ZYG11B: variants seen among roughly 807,000 people sequenced by gnomAD.
ZYG11B encodes the protein protein zyg-11 homolog B.
ZYG11B carries 36 observed loss-of-function variants against 82.4 expected under a neutral mutation model. The ratio of observed to expected loss-of-function variants is 0.44; its 90% confidence interval spans 0.33 to 0.58. The LOEUF (loss-of-function observed/expected upper bound fraction) is 0.58. Among genes scored for constraint, ZYG11B ranks in the 20% least tolerant of loss-of-function variants. The probability of loss-of-function intolerance (pLI) is 0.02; values close to 1 mark genes in which losing one functional copy is unlikely to be tolerated. For missense variants in ZYG11B, 552 were observed against 895.6 expected (o/e 0.62, Z 4.90); for synonymous variants, 303 against 312.8 (o/e 0.97, Z 0.33).
chr1:52,800,275 CAAA>C (rs71579948), intron 8 of ZYG11B, among the ~76,000 whole-genome samples: 1 of 120,060 alleles, frequency 8.3e-6, no homozygotes. Context: ...GATTCCATGT[CAAA>C]AAAAAAAAAA....
At chr1:52,734,519 G>A (rs919849568) in intron 1 of ZYG11B, among the ~76,000 whole-genome samples, 1 of 150,996 alleles carries the variant, frequency 6.6e-6, no homozygotes, top group Non-Finnish European at 1.5e-5. Flanking sequence ...GTGTGGTAGC[G>A]CATGCCTGTG....
chr1:52,793,656 T>C (rs187173998), intron 6 of ZYG11B, among the ~76,000 whole-genome samples: 1 of 152,304 alleles, frequency 6.6e-6, no homozygotes, highest in East Asian at 1.9e-4. Flanking sequence ...CAGAACTGAC[T>C]TGAGAATCTC....
chr1:52,783,805 T>TATATACACACAC (rs74185908), intron 4 of ZYG11B, among the ~76,000 whole-genome samples: 110 of 135,012 alleles, frequency 8.1e-4, no homozygotes, highest in Middle Eastern at 4.1e-3. Flanking sequence ...TATATATATA[T>TATATACACACAC]ACACACACAC....
intron 1 of ZYG11B, among the ~76,000 whole-genome samples, chr1:52,744,988 A>G (rs1008628804): frequency 3.9e-5 from 6 of 152,202 alleles, no homozygotes; most frequent in African/African-American, 1.4e-4. Context: ...TGTTTACTGT[A>G]AGGCATTGCT....
chr1:52,734,793 A>G (rs1644364570), intron 1 of ZYG11B, among the ~76,000 whole-genome samples: 1 of 151,820 alleles, frequency 6.6e-6, no homozygotes, highest in African/African-American at 2.4e-5. Context: ...CAATGGTGCA[A>G]TCTGGGCTCA....
At chr1:52,775,847 G>C (rs1194480423) in intron 3 of ZYG11B, among the ~76,000 whole-genome samples, 1 of 151,774 alleles carries the variant, frequency 6.6e-6, no homozygotes, top group East Asian at 1.9e-4. Flanking sequence ...GGAGAAAAAA[G>C]AATATACTTA....
Position 52,756,631 on chromosome 1 carries a change from A to G in ZYG11B, c.196+8A>G, listed in dbSNP as rs1018149742. 5.0e-6 allele frequency: 8 copies of G among 1,594,262 alleles called. 1 individual carries two copies. The Admixed American group carries it at 8.8e-5, about 18-fold the overall frequency. On this transcript the variant is annotated splice_region_variant and intron_variant, in intron 2 of 13. Transcript: ENST00000294353. ...GGACCATGGCTTTTCATGGTAAAAA[A>G]ATAAACAGAGGAAACAAAAATTATG...
intron 2 of ZYG11B, among the ~76,000 whole-genome samples, chr1:52,764,320 A>G (rs1644662690): frequency 6.7e-6 from 1 of 149,672 alleles, no homozygotes; most frequent in South Asian, 2.1e-4. Flanking sequence ...TTTTTAGTAG[A>G]GATAGGGTTT....
intron 3 of ZYG11B, chr1:52,772,751 C>T (rs1344670594): frequency 4.9e-6 from 3 of 616,404 alleles, no homozygotes; most frequent in Non-Finnish European, 8.8e-6. Context: ...TATCTTGGCT[C>T]ACTGCAAGCT....
intron 10 of ZYG11B, among the ~76,000 whole-genome samples, chr1:52,804,918 C>G (rs2149961515): frequency 6.6e-6 from 1 of 151,934 alleles, no homozygotes; most frequent in Non-Finnish European, 1.5e-5. Flanking sequence ...ATGGAGAAGT[C>G]TCGTTTCTAC....
chr1:52,786,753 CCTGTGCAA>C (rs1484758148), intron 5 of ZYG11B, among the ~76,000 whole-genome samples: 3 of 152,048 alleles, frequency 2.0e-5, no homozygotes, highest in African/African-American at 7.2e-5. Flanking sequence ...TGTACTCCAG[CCTGTGCAA>C]CAGAGCAAGA....
chr1:52,793,747 A>G (rs1179579313), intron 6 of ZYG11B, among the ~76,000 whole-genome samples: 1 of 152,174 alleles, frequency 6.6e-6, no homozygotes, highest in Non-Finnish European at 1.5e-5. Flanking sequence ...TGCAGAAAGC[A>G]TAGGGTAGGC....
At chr1:52,727,959 G>A (rs1273100673) in intron 1 of ZYG11B, among the ~76,000 whole-genome samples, 1 of 152,082 alleles carries the variant, frequency 6.6e-6, no homozygotes, top group Non-Finnish European at 1.5e-5. Context: ...CAGTTTTTTA[G>A]AAAAGTAATA....
chr1:52,758,793 G>C (rs1644601747), intron 2 of ZYG11B, among the ~76,000 whole-genome samples: 1 of 152,106 alleles, frequency 6.6e-6, no homozygotes, highest in African/African-American at 2.4e-5. Flanking sequence ...TTTCCAACCT[G>C]TCATAGGAAC....
chr1:52,783,805 T>TATACAC (rs74185908), intron 4 of ZYG11B, among the ~76,000 whole-genome samples: 7,428 of 134,762 alleles, frequency 0.055, 285 homozygotes, highest in Middle Eastern at 0.089. Flanking sequence ...TATATATATA[T>TATACAC]ACACACACAC....
At chr1:52,774,180 C>T (rs1481986366) in intron 3 of ZYG11B, among the ~76,000 whole-genome samples, 1 of 151,812 alleles carries the variant, frequency 6.6e-6, no homozygotes, top group Non-Finnish European at 1.5e-5. Context: ...TGCCCTGTTA[C>T]CCAGGCTGGA....
At chr1:52,772,494 A>G in intron 3 of ZYG11B, 27 of 1,599,278 alleles carry the variant, frequency 1.7e-5, no homozygotes, top group Non-Finnish European at 2.1e-5. Flanking sequence ...TCTCACGATT[A>G]CACCGATCTG....
At chr1:52,743,716 C>T (rs1234120845) in intron 1 of ZYG11B, among the ~76,000 whole-genome samples, 1 of 151,874 alleles carries the variant, frequency 6.6e-6, no homozygotes, top group East Asian at 1.9e-4. Flanking sequence ...GTCCCCACCC[C>T]CCAAAAAGAA....
intron 2 of ZYG11B, among the ~76,000 whole-genome samples, chr1:52,770,671 C>A (rs1196106629): frequency 6.6e-6 from 1 of 152,180 alleles, no homozygotes; most frequent in African/African-American, 2.4e-5. Context: ...GGTGCTTCAA[C>A]ATATAGTGCA....
Sources: allele counts gnomAD v4.1 joint callset (sites outside exome capture counted in the v4.1 genomes callset), GRCh38; gene constraint gnomAD v4.1.1; transcripts MANE v1.5; gene names NCBI Gene and HGNC (gene_info 2026-07-23, HGNC 2026-07-21).